The following LRMDA variants were observed in gnomAD, a reference collection of about 807,000 sequenced individuals.
The protein encoded by LRMDA is leucine-rich melanocyte differentiation-associated protein.
A neutral mutation model predicts 29.8 loss-of-function variants in LRMDA; 18 were observed. That is an observed-to-expected ratio of 0.60 (90% CI 0.42 to 0.90). The LOEUF (loss-of-function observed/expected upper bound fraction) is 0.90, where lower values mean the gene tolerates loss of function less well. Ranked by LOEUF, LRMDA falls within the 40% of genes least tolerant of loss-of-function variation. The pLI is 0.00. For missense variants in LRMDA, 273 were observed against 273.9 expected, an observed-to-expected ratio of 1.00 and a Z score of 0.02; for synonymous variants, 125 against 109.4, an observed-to-expected ratio of 1.14 and a Z score of -0.89.
chr10:75,922,097 G>C (rs1018267432), intron 2 of LRMDA, among the ~76,000 whole-genome samples: 2 of 152,246 alleles, frequency 1.3e-5, no homozygotes, highest in Admixed American at 1.3e-4. Flanking sequence ...TCTGTTTCCT[G>C]CCCATCCTGG....
chr10:76,312,378 A>C (rs1266921374), intron 5 of LRMDA, among the ~76,000 whole-genome samples: 1 of 152,138 alleles, frequency 6.6e-6, no homozygotes, highest in Non-Finnish European at 1.5e-5. Context: ...GGTCTGATGT[A>C]TTTGGGAAAG....
chr10:75,988,842 C>T (rs1285378955), intron 2 of LRMDA, among the ~76,000 whole-genome samples: 1 of 152,204 alleles, frequency 6.6e-6, no homozygotes, highest in Non-Finnish European at 1.5e-5. Flanking sequence ...CCTGTCCTTG[C>T]AGCTCCTCGG....
intron 2 of LRMDA, among the ~76,000 whole-genome samples, chr10:75,841,234 A>T (rs1189131482): frequency 6.6e-6 from 1 of 152,234 alleles, no homozygotes; most frequent in Admixed American, 6.5e-5. Context: ...TGTTTTAATC[A>T]TCTCCTTCCA....
rs564400650 is a variant in LRMDA at position 76,170,383 on chromosome 10, A to G, written c.516+111600A>G. 3.3e-5 allele frequency among the ~76,000 whole-genome samples: 5 copies of G among 152,344 alleles called. No homozygotes were observed. In the East Asian group the frequency reaches 9.6e-4, roughly 29 times the overall value. On this transcript the variant is annotated intron_variant, in intron 5 of 6. Coordinates refer to ENST00000611255, the MANE Select transcript of LRMDA (RefSeq NM_001305581.2). ...GTTAAATTCTTGCAGATTCTTGTGT[A>G]GGTGCTCTCAGACTGGTCTCTAGGA...
chr10:75,978,999 T>C (rs1186677004), intron 2 of LRMDA, among the ~76,000 whole-genome samples: 1 of 152,192 alleles, frequency 6.6e-6, no homozygotes, highest in Non-Finnish European at 1.5e-5. Flanking sequence ...CCAAATGACC[T>C]TGGACTTTCC....
At chr10:76,050,112 C>T (rs749322550) in intron 4 of LRMDA, among the ~76,000 whole-genome samples, 2 of 152,178 alleles carry the variant, frequency 1.3e-5, no homozygotes, top group African/African-American at 2.4e-5. Context: ...CCCAGGCATA[C>T]ATCAAAACAA....
intron 6 of LRMDA, among the ~76,000 whole-genome samples, chr10:76,555,329 C>T (rs1464456501): frequency 1.3e-5 from 2 of 152,164 alleles, no homozygotes; most frequent in Non-Finnish European, 2.9e-5. Flanking sequence ...TCCATCCAAG[C>T]TCAAAGTTTC....
intron 5 of LRMDA, among the ~76,000 whole-genome samples, chr10:76,122,285 C>T (rs1023778843): frequency 2.0e-5 from 3 of 151,822 alleles, no homozygotes; most frequent in Non-Finnish European, 4.4e-5. Flanking sequence ...ACATCTGCTG[C>T]GGCAGATTGT....
chr10:76,171,673 A>C (rs1287234945), intron 5 of LRMDA, among the ~76,000 whole-genome samples: 1 of 152,168 alleles, frequency 6.6e-6, no homozygotes. Flanking sequence ...TGATTCTTTA[A>C]GTTGGTGCTT....
At chr10:76,396,955 C>A (rs1473174260) in intron 6 of LRMDA, among the ~76,000 whole-genome samples, 2 of 152,172 alleles carry the variant, frequency 1.3e-5, no homozygotes, top group African/African-American at 4.8e-5. Flanking sequence ...CCACGCCACG[C>A]AACTCTACTC....
intron 2 of LRMDA, among the ~76,000 whole-genome samples, chr10:75,691,172 ATATATC>A (rs1293645533): frequency 7.8e-6 from 1 of 128,824 alleles, no homozygotes; most frequent in Non-Finnish European, 1.6e-5. Flanking sequence ...ATATAGATCT[ATATATC>A]TATGTACATA....
intron 2 of LRMDA, among the ~76,000 whole-genome samples, chr10:75,989,543 T>C (rs1847322387): frequency 6.6e-6 from 1 of 152,190 alleles, no homozygotes; most frequent in African/African-American, 2.4e-5. Flanking sequence ...TCTCCAATGT[T>C]GGGGATCACA....
At chr10:75,834,898 C>T (rs919482523) in intron 2 of LRMDA, among the ~76,000 whole-genome samples, 3 of 152,166 alleles carry the variant, frequency 2.0e-5, no homozygotes, top group African/African-American at 7.2e-5. Context: ...GTCATTCATG[C>T]CAATGTTTCT....
rs182847761 is a variant in LRMDA at position 76,380,995 on chromosome 10, T to G, written c.601+56510T>G. ...TACTAATGTATGTATGTATTAGTAA[T>G]TAATTATTGTAAATTTTTATCTTTG... On this transcript the variant is annotated intron_variant, in intron 6 of 6. Coordinates refer to ENST00000611255, the MANE Select transcript of LRMDA (RefSeq NM_001305581.2). Among the ~76,000 whole-genome samples, 1,225 of 150,590 alleles carry G rather than the reference T, an allele frequency of 8.1e-3. 8 individuals carry two copies. Among genetic ancestry groups the G allele is most frequent in the Non-Finnish European group, 0.012 (810 of 67,756 alleles).
chr10:76,157,451 A>T (rs945545873), intron 5 of LRMDA, among the ~76,000 whole-genome samples: 2 of 152,040 alleles, frequency 1.3e-5, no homozygotes, highest in African/African-American at 4.8e-5. Context: ...TTGCCAAAAA[A>T]GTTTTTTAAA....
intron 2 of LRMDA, among the ~76,000 whole-genome samples, chr10:75,750,427 C>T (rs1416849775): frequency 6.6e-6 from 1 of 150,568 alleles, no homozygotes; most frequent in Non-Finnish European, 1.5e-5. Context: ...AGACACTCCT[C>T]AGTTCCCAGA....
intron 6 of LRMDA, among the ~76,000 whole-genome samples, chr10:76,378,853 T>C (rs967954151): frequency 1.6e-5 from 1 of 62,468 alleles, no homozygotes; most frequent in African/African-American, 6.8e-5. Flanking sequence ...TTTTTCTTTT[T>C]TTTTCTTTTT....
At chr10:75,855,324 A>G (rs1844806728) in intron 2 of LRMDA, among the ~76,000 whole-genome samples, 2 of 152,134 alleles carry the variant, frequency 1.3e-5, no homozygotes, top group South Asian at 4.1e-4. Context: ...GCCAGTGATG[A>G]TGAGCATTTT....
chr10:76,058,315 G>A (rs1438200483), intron 4 of LRMDA, among the ~76,000 whole-genome samples: 1 of 152,194 alleles, frequency 6.6e-6, no homozygotes, highest in East Asian at 1.9e-4. Context: ...ATTTTACTGA[G>A]AATTTCTGTG....
Sources: allele counts gnomAD v4.1 joint callset (sites outside exome capture counted in the v4.1 genomes callset), GRCh38; gene constraint gnomAD v4.1.1; transcripts MANE v1.5; gene names NCBI Gene and HGNC (gene_info 2026-07-23, HGNC 2026-07-21).